ANAPC10: variants seen among roughly 807,000 people sequenced by gnomAD.
The protein encoded by ANAPC10 is anaphase promoting complex subunit 10, also known as anaphase-promoting complex subunit 10.
In ANAPC10, 12 loss-of-function variants were observed where a neutral mutation model predicts 22.0. That is an observed-to-expected ratio of 0.55 (90% confidence interval 0.35 to 0.88). ANAPC10 has a LOEUF of 0.88. Ranked by LOEUF, ANAPC10 falls within the 40% of genes least tolerant of loss-of-function variation. The pLI, the probability that ANAPC10 is intolerant of heterozygous loss-of-function variation, is 0.01. For synonymous variants in ANAPC10, 65 were observed against 69.5 expected (o/e 0.94, Z 0.32); for missense variants, 188 against 220.9 (o/e 0.85, Z 0.94).
intron 4 of ANAPC10, among the ~76,000 whole-genome samples, chr4:145,057,026 T>C (rs1171836716): frequency 6.6e-6 from 1 of 152,128 alleles, no homozygotes; most frequent in Non-Finnish European, 1.5e-5. Context: ...AAAAGTGACC[T>C]TACAGGACAA....
At chr4:145,042,052 T>C (rs914978442) in intron 4 of ANAPC10, among the ~76,000 whole-genome samples, 1 of 152,184 alleles carries the variant, frequency 6.6e-6, no homozygotes, top group Non-Finnish European at 1.5e-5. Context: ...ACATCCATTT[T>C]ACCAAATTTT....
Position 145,066,699 on chromosome 4 carries a change from G to A in ANAPC10, c.207-2007C>T, listed in dbSNP as rs138674826. 2.4e-3 allele frequency among the ~76,000 whole-genome samples: 362 copies of A among 152,054 alleles called. 2 individuals carry two copies. Among genetic ancestry groups the A allele is most frequent in the African/African-American group, 8.5e-3 (352 of 41,490 alleles). Reference sequence around the variant, plus strand: ...TGAATATTTTGTGTCTGGCCCAGAAGTAATGCTCTATACATATTGTCTCAT... The same window carrying A: ...TGAATATTTTGTGTCTGGCCCAGAAATAATGCTCTATACATATTGTCTCAT... On this transcript the variant is annotated intron_variant, in intron 3 of 4. Coordinates refer to ENST00000507656, the MANE Select transcript of ANAPC10 (RefSeq NM_001256706.2).
chr4:145,028,028 G>T (rs1229090038), intron 4 of ANAPC10, among the ~76,000 whole-genome samples: 3 of 152,172 alleles, frequency 2.0e-5, no homozygotes, highest in African/African-American at 7.2e-5. Context: ...ATTTAGTAGG[G>T]GAAATATCTG....
In ANAPC10 at chr4:145,095,666, CAATAT is replaced by C. The variant is rs36208502; in HGVS notation, c.115+314_115+318del. On this transcript the variant is annotated intron_variant, in intron 2 of 4. Coordinates refer to ENST00000507656, the MANE Select transcript of ANAPC10 (RefSeq NM_001256706.2). Reference sequence around the variant, plus strand: ...TCACATCATCGCAGGAGGAAGGGTACAATATAATATTTTGAGAGCGAGAGAGACCA... The same window carrying C: ...TCACATCATCGCAGGAGGAAGGGTACAATATTTTGAGAGCGAGAGAGACCA... Among the ~76,000 whole-genome samples the C allele has an allele frequency of 4.3e-3, 648 of 152,246 alleles. 3 individuals are homozygous for C. The highest frequency in any genetic ancestry group is 0.014 in the African/African-American group (594 of 41,548).
At chr4:145,031,182 T>A (rs1737519507) in intron 4 of ANAPC10, among the ~76,000 whole-genome samples, 1 of 152,220 alleles carries the variant, frequency 6.6e-6, no homozygotes, top group Non-Finnish European at 1.5e-5. Flanking sequence ...TGTGTCATAA[T>A]CTTATTCGAA....
At chr4:145,081,785 A>G in intron 2 of ANAPC10, 35 bp from the exon 3 acceptor site, 12 of 1,440,242 alleles carry the variant, frequency 8.3e-6, no homozygotes, top group Non-Finnish European at 1.2e-5. Flanking sequence ...AATCCCTGTG[A>G]AAAAGAAACA....
intron 4 of ANAPC10, among the ~76,000 whole-genome samples, chr4:145,062,534 G>A (rs764828409): frequency 9.9e-5 from 15 of 152,142 alleles, no homozygotes; most frequent in Non-Finnish European, 1.9e-4. Context: ...TTGAACCTGG[G>A]AGGTGGAGGT....
intron 4 of ANAPC10, among the ~76,000 whole-genome samples, chr4:145,047,038 G>A (rs377535871): frequency 4.3e-4 from 65 of 152,216 alleles, no homozygotes; most frequent in African/African-American, 1.5e-3. Flanking sequence ...GTTCATGGTA[G>A]ATGTTTTTAC....
rs558327950 is a variant in ANAPC10, at chr4:145,015,549, GCTAGAGAC to G, written c.328-19954_328-19947del. ...TAATCAAGGAAAACTTCCTGGCCTT[GCTAGAGAC>G]CTACACATCCAAATACAAGAAGCAC... On this transcript the variant is annotated intron_variant, in intron 4 of 4. Coordinates refer to ENST00000507656, the MANE Select transcript of ANAPC10 (RefSeq NM_001256706.2). Among the ~76,000 whole-genome samples, 59 of 150,376 alleles carry G rather than the reference GCTAGAGAC, an allele frequency of 3.9e-4. No homozygotes were observed. In the South Asian group the frequency reaches 0.012, roughly 30 times the overall value.
intron 4 of ANAPC10, among the ~76,000 whole-genome samples, chr4:145,030,206 C>T (rs1362594755): frequency 1.3e-5 from 2 of 152,124 alleles, no homozygotes; most frequent in African/African-American, 2.4e-5. Context: ...ACTTCTAGGT[C>T]GAATGGACAA....
At chr4:145,047,450 T>C (rs1740477262) in intron 4 of ANAPC10, among the ~76,000 whole-genome samples, 2 of 152,170 alleles carry the variant, frequency 1.3e-5, no homozygotes, top group African/African-American at 4.8e-5. Flanking sequence ...TCAGGTTAAA[T>C]GGAGTTCAGT....
intron 4 of ANAPC10, among the ~76,000 whole-genome samples, chr4:145,019,572 C>T (rs1735683411): frequency 6.6e-6 from 1 of 151,924 alleles, no homozygotes; most frequent in South Asian, 2.1e-4. Flanking sequence ...CCAAACCCAG[C>T]AGAAGAAAGG....
chr4:145,020,229 A>C (rs1219879464), intron 4 of ANAPC10, among the ~76,000 whole-genome samples: 1 of 152,156 alleles, frequency 6.6e-6, no homozygotes, highest in South Asian at 2.1e-4. Context: ...CAAAAAGATA[A>C]ACTACCACGA....
chr4:145,080,113 C>CAAAA (rs70956824), intron 3 of ANAPC10, among the ~76,000 whole-genome samples: 44 of 26,692 alleles, frequency 1.6e-3, no homozygotes, highest in East Asian at 2.4e-3. Flanking sequence ...GACTCTGTCT[C>CAAAA]AAAAAAAAAA....
chr4:145,097,412 G>T, intron 1 of ANAPC10: 1 of 1,109,436 alleles, frequency 9.0e-7, no homozygotes, highest in Non-Finnish European at 1.2e-6. Flanking sequence ...TGAACAATAT[G>T]TAAAACTGCT....
At chr4:145,004,234 T>C (rs1359293829) in intron 4 of ANAPC10, among the ~76,000 whole-genome samples, 2 of 152,146 alleles carry the variant, frequency 1.3e-5, no homozygotes, top group African/African-American at 4.8e-5. Flanking sequence ...TCAAGGAGCT[T>C]TGGGGCAGAG....
Position 145,015,398 on chromosome 4 carries a change from G to T in ANAPC10, c.328-19795C>A, listed in dbSNP as rs945584480. Among the ~76,000 whole-genome samples the T allele has an allele frequency of 2.6e-5, 4 of 151,900 alleles. No individual in the cohort carries two copies. The East Asian group carries it at 7.7e-4, about 29-fold the overall frequency. ...CAACCAAACAAAGACAAAGAAAAAAGAATAAGAAAATATGAACAAAGTCTC... is the reference window on the plus strand; with the variant it reads ...CAACCAAACAAAGACAAAGAAAAAATAATAAGAAAATATGAACAAAGTCTC... On this transcript the variant is annotated intron_variant, in intron 4 of 4. Transcript: ENST00000507656.
At chr4:145,005,114 T>G (rs1032205632) in intron 4 of ANAPC10, among the ~76,000 whole-genome samples, 2 of 152,168 alleles carry the variant, frequency 1.3e-5, no homozygotes, top group Non-Finnish European at 2.9e-5. Context: ...CTTTTCTTTT[T>G]TTGAAGGCTC....
At chr4:145,034,516 C>G (rs1738152364) in intron 4 of ANAPC10, among the ~76,000 whole-genome samples, 1 of 98,092 alleles carries the variant, frequency 1.0e-5, no homozygotes, top group Non-Finnish European at 1.8e-5. Context: ...ACTTAACAAA[C>G]TCTCCTTTAT....
Sources: gnomAD v4.1 joint callset for allele counts (sites outside exome capture counted in the v4.1 genomes callset) on GRCh38, gnomAD v4.1.1 for gene constraint, MANE v1.5 for transcripts, NCBI Gene and HGNC (gene_info 2026-07-23, HGNC 2026-07-21) for gene names.